The following SLC4A5 variants were observed in gnomAD, a reference collection of about 807,000 sequenced individuals.
SLC4A5 encodes the protein electrogenic sodium bicarbonate cotransporter 4.
SLC4A5 carries 96 observed loss-of-function variants against 120.4 expected under a neutral mutation model. The observed-to-expected ratio is 0.80, with a 90% CI of 0.68 to 0.94. SLC4A5 has a LOEUF of 0.94. Ranked by LOEUF, SLC4A5 falls within the 40% of genes least tolerant of loss-of-function variation. The pLI is 0.00. For synonymous variants in SLC4A5, 550 were observed against 571.1 expected, an observed-to-expected ratio of 0.96 and a Z score of 0.53; for missense variants, 1,259 against 1,459.5, an observed-to-expected ratio of 0.86 and a Z score of 2.24.
intron 27 of SLC4A5, among the ~76,000 whole-genome samples, chr2:74,226,739 G>A (rs998686713): frequency 6.6e-6 from 1 of 152,080 alleles, no homozygotes; most frequent in Admixed American, 6.6e-5. Flanking sequence ...GAGCGGCTCT[G>A]ACATTCCTTC....
At chr2:74,312,111 A>T (rs1318385693) in intron 6 of SLC4A5, among the ~76,000 whole-genome samples, 8 of 152,134 alleles carry the variant, frequency 5.3e-5, no homozygotes, top group Non-Finnish European at 1.2e-4. Context: ...CTTTGTCTGA[A>T]ATTAAGATAC....
chr2:74,328,513 A>C (rs547963691), intron 4 of SLC4A5, among the ~76,000 whole-genome samples: 74 of 152,264 alleles, frequency 4.9e-4, no homozygotes, highest in Non-Finnish European at 9.7e-4. Context: ...TTTAACCCAG[A>C]TTCTTTTTGG....
At chr2:74,231,329 G>A (rs1573007165) in intron 24 of SLC4A5, 21 bp from the exon 25 acceptor site, 1 of 1,606,268 alleles carries the variant, frequency 6.2e-7, no homozygotes, top group Non-Finnish European at 8.5e-7. Flanking sequence ...AGAACACATG[G>A]TCAGGGTGTA....
chr2:74,272,763 A>C (rs1277589382), intron 8 of SLC4A5, among the ~76,000 whole-genome samples: 1 of 152,252 alleles, frequency 6.6e-6, no homozygotes, highest in African/African-American at 2.4e-5. Context: ...ACTCGGTCAG[A>C]GATATAATTA....
chr2:74,327,834 A>C (rs1673254581), intron 5 of SLC4A5, among the ~76,000 whole-genome samples: 1 of 152,244 alleles, frequency 6.6e-6, no homozygotes, highest in Non-Finnish European at 1.5e-5. Context: ...GATAGAACTA[A>C]CTTACCATGG....
chr2:74,247,576 G>A (rs1193999250), intron 18 of SLC4A5, among the ~76,000 whole-genome samples: 2 of 151,642 alleles, frequency 1.3e-5, no homozygotes, highest in African/African-American at 4.9e-5. Context: ...CTGCAATGGC[G>A]TGATCTTGGC....
chr2:74,305,875 C>T (rs775105941), intron 6 of SLC4A5, among the ~76,000 whole-genome samples: 11 of 152,062 alleles, frequency 7.2e-5, no homozygotes, highest in Non-Finnish European at 5.9e-5. Flanking sequence ...CAGGCACGCA[C>T]CACCATGCCT....
intron 5 of SLC4A5, among the ~76,000 whole-genome samples, chr2:74,326,217 G>A (rs150939925): frequency 1.8e-4 from 28 of 152,300 alleles, no homozygotes; most frequent in African/African-American, 5.5e-4. Context: ...TATCCAAAGA[G>A]TACTAACCAG....
chr2:74,227,242 C>T (rs1694877016), intron 26 of SLC4A5, 112 bp from the exon 27 acceptor site: 2 of 1,267,902 alleles, frequency 1.6e-6, no homozygotes, highest in Non-Finnish European at 1.1e-6. Context: ...AAGCCCCCTG[C>T]TCAGGCCTTA....
At position 74,297,943 on chromosome 2, in the gene SLC4A5, G is replaced by A. The variant is rs1025928422; in HGVS notation, c.271+6546C>T. The stretch of plus-strand genomic sequence containing the variant: ...ATCATTATCAGCCAGGGTCCAATAT[G>A]GTGACTGACCAATGACATCTTATAA... On this transcript the variant is annotated intron_variant, in intron 7 of 30. Coordinates refer to ENST00000394019, the Ensembl canonical transcript of SLC4A5. Among the ~76,000 whole-genome samples, 4 of 152,160 alleles carry A rather than the reference G, an allele frequency of 2.6e-5. No individual in the cohort carries two copies. The East Asian group carries it at 7.7e-4, about 29-fold the overall frequency.
chr2:74,315,447 GAA>G (rs57640033), intron 5 of SLC4A5, among the ~76,000 whole-genome samples: 9,287 of 83,236 alleles, frequency 0.11, 986 homozygotes, highest in African/African-American at 0.28. Context: ...CTTACGAAAA[GAA>G]AAAAAAAAAA....
chr2:74,307,763 T>C, intron 6 of SLC4A5: 1 of 634,224 alleles, frequency 1.6e-6, no homozygotes, highest in Admixed American at 2.0e-5. Context: ...CTTTGCATGA[T>C]CTCTTTCTCG....
At chr2:74,297,153 G>A (rs1046542912) in intron 7 of SLC4A5, among the ~76,000 whole-genome samples, 7 of 152,072 alleles carry the variant, frequency 4.6e-5, no homozygotes, top group East Asian at 1.9e-4. Flanking sequence ...CAGTACCAAC[G>A]AGGGCAGCCA....
At chr2:74,301,613 G>C (rs948462658) in intron 7 of SLC4A5, among the ~76,000 whole-genome samples, 1 of 152,258 alleles carries the variant, frequency 6.6e-6, no homozygotes, top group African/African-American at 2.4e-5. Context: ...CAATTATCCA[G>C]ATGAGGCAGG....
intron 8 of SLC4A5, among the ~76,000 whole-genome samples, chr2:74,284,988 A>C (rs1385335614): frequency 6.6e-6 from 1 of 152,144 alleles, no homozygotes; most frequent in African/African-American, 2.4e-5. Context: ...TGTCTACCCC[A>C]GCCTGCTTGT....
In SLC4A5 at chr2:74,303,444, A is replaced by G. The variant is rs529386551; in HGVS notation, c.271+1045T>C. ...AAGACAGTGAGCTATATATAGTAGAAACCAAATTCATACTGTTTATTAGGC... is the reference window on the plus strand; with the variant it reads ...AAGACAGTGAGCTATATATAGTAGAGACCAAATTCATACTGTTTATTAGGC... On this transcript the variant is annotated intron_variant, in intron 7 of 30. Coordinates refer to ENST00000394019, the Ensembl canonical transcript of SLC4A5. Among the ~76,000 whole-genome samples, 7 of 152,258 alleles carry G rather than the reference A, an allele frequency of 4.6e-5. No individual in the cohort carries two copies. The East Asian group carries it at 1.4e-3, about 29-fold the overall frequency.
At chr2:74,322,299 T>A (rs754370057) in intron 5 of SLC4A5, among the ~76,000 whole-genome samples, 2 of 152,176 alleles carry the variant, frequency 1.3e-5, no homozygotes, top group Admixed American at 6.5e-5. Context: ...TTGAAATTAA[T>A]GAACTAGATT....
Position 74,252,403 on chromosome 2 carries a change from G to A in SLC4A5, c.1269-15C>T. The A allele has an allele frequency of 6.2e-7, 1 of 1,605,620 alleles. No individual in the cohort carries two copies. Among genetic ancestry groups the A allele is most frequent in the Non-Finnish European group, 8.5e-7 (1 of 1,173,562 alleles). ...ACACAGATTTCCTGGAAGAGAAGGG[G>A]GATGAAGGAGAGTGGGTCCCCCAGA... On this transcript the variant is annotated splice_polypyrimidine_tract_variant and intron_variant, in intron 15 of 30. Coordinates refer to ENST00000394019, the Ensembl canonical transcript of SLC4A5.
intron 12 of SLC4A5, among the ~76,000 whole-genome samples, chr2:74,257,421 G>A (rs1034982650): frequency 2.6e-5 from 4 of 152,112 alleles, no homozygotes; most frequent in Non-Finnish European, 5.9e-5. Context: ...CAGGGTGGAG[G>A]GCTGGGTGTA....
Sources: gnomAD v4.1 joint callset for allele counts (sites outside exome capture counted in the v4.1 genomes callset) on GRCh38, gnomAD v4.1.1 for gene constraint, MANE v1.5 for transcripts, NCBI Gene and HGNC (gene_info 2026-07-23, HGNC 2026-07-21) for gene names.